Variants in UTP4 observed in about 807,000 individuals in gnomAD.
UTP4 encodes U3 small nucleolar RNA-associated protein 4 homolog.
UTP4 carries 45 observed loss-of-function variants against 82.4 expected under a neutral mutation model. The ratio of observed to expected loss-of-function variants is 0.55; its 90% CI spans 0.43 to 0.70. The LOEUF (loss-of-function observed/expected upper bound fraction) is 0.70, where lower values mean the gene tolerates loss of function less well. Among genes scored for constraint, UTP4 ranks in the 30% least tolerant of loss-of-function variants. The pLI is 0.00. For synonymous variants in UTP4, 348 were observed against 300.3 expected, an observed-to-expected ratio of 1.16 and a Z score of -1.64; for missense variants, 819 against 858.3, an observed-to-expected ratio of 0.95 and a Z score of 0.57.
At chr16:69,145,968 C>T (rs1464965205) in intron 6 of UTP4, among the ~76,000 whole-genome samples, 4 of 151,794 alleles carry the variant, frequency 2.6e-5, no homozygotes, top group Non-Finnish European at 2.9e-5. Context: ...GAAATAAGTC[C>T]GATTTTCTGT....
At chr16:69,148,639 G>T (rs1963183676) in intron 6 of UTP4, among the ~76,000 whole-genome samples, 3 of 149,518 alleles carry the variant, frequency 2.0e-5, no homozygotes, top group Non-Finnish European at 3.0e-5. Flanking sequence ...TTGAGACACG[G>T]TCTTGCTCTG....
At chr16:69,154,685 T>C (rs1349474151) in intron 10 of UTP4, among the ~76,000 whole-genome samples, 1 of 151,700 alleles carries the variant, frequency 6.6e-6, no homozygotes, top group African/African-American at 2.4e-5. Context: ...CTTTTGATAT[T>C]ATTATGAAAA....
chr16:69,139,776 G>C, intron 4 of UTP4, 49 bp from the exon 5 acceptor site: 2 of 1,230,576 alleles, frequency 1.6e-6, no homozygotes, highest in Non-Finnish European at 2.4e-6. Context: ...GTTACTCTTC[G>C]TATATTTATG....
At chr16:69,165,259 T>TAA in intron 14 of UTP4, 82 bp from the exon 15 acceptor site, 1 of 1,190,030 alleles carries the variant, frequency 8.4e-7, no homozygotes, top group South Asian at 1.2e-5. Context: ...TTTGTATAGA[T>TAA]ACTTTCTGGT....
chr16:69,165,291 G>C (rs377678737), intron 14 of UTP4, 50 bp from the exon 15 acceptor site: 10 of 1,523,824 alleles, frequency 6.6e-6, no homozygotes, highest in Non-Finnish European at 6.4e-6. Flanking sequence ...ATGCCCTTCT[G>C]GTCTTTCTGA....
At chr16:69,163,292 A>G in intron 14 of UTP4, 114 bp downstream of exon 14, 1 of 849,164 alleles carries the variant, frequency 1.2e-6, no homozygotes, top group Non-Finnish European at 2.0e-6. Context: ...GATATAAGGT[A>G]GTTTTCTCCT....
chr16:69,143,043 A>G, intron 5 of UTP4, 135 bp from the exon 6 acceptor site: 1 of 842,118 alleles, frequency 1.2e-6, no homozygotes, highest in Non-Finnish European at 2.0e-6. Flanking sequence ...TGTTTCGTAG[A>G]GATGAGGTCT....
rs575745236 is a variant in UTP4 at position 69,147,066 on chromosome 16, A to T, written c.739-3471A>T. Among the ~76,000 whole-genome samples, 4 of 149,622 alleles carry T rather than the reference A, an allele frequency of 2.7e-5. No homozygotes were observed. The East Asian group carries it at 7.8e-4, about 29-fold the overall frequency. ...GTGCTGCGTGCCTGTAATCCCAGCTACTTGGGAGGCTGAGGCGGGAGAATT... is the reference window on the plus strand; with the variant it reads ...GTGCTGCGTGCCTGTAATCCCAGCTTCTTGGGAGGCTGAGGCGGGAGAATT... On this transcript the variant is annotated intron_variant, in intron 6 of 16. Transcript: ENST00000314423.
At chr16:69,140,738 TC>T (rs1962937562) in intron 5 of UTP4, among the ~76,000 whole-genome samples, 1 of 152,112 alleles carries the variant, frequency 6.6e-6, no homozygotes, top group Non-Finnish European at 1.5e-5. Context: ...TCTCTCACTC[TC>T]CTCGAGGCAA....
chr16:69,167,517 G>A (rs935214163), intron 16 of UTP4: 8 of 315,216 alleles, frequency 2.5e-5, no homozygotes, highest in African/African-American at 1.5e-4. Context: ...TGTCAAGCAG[G>A]CTGGGCTTGG....
intron 4 of UTP4, among the ~76,000 whole-genome samples, chr16:69,139,262 C>T (rs765122842): frequency 6.6e-6 from 1 of 151,886 alleles, no homozygotes; most frequent in Non-Finnish European, 1.5e-5. Context: ...CAACTGCACC[C>T]GGCCTGGGTG....
At chr16:69,154,702 G>GC (rs1963362645) in intron 10 of UTP4, among the ~76,000 whole-genome samples, 1 of 139,310 alleles carries the variant, frequency 7.2e-6, no homozygotes, top group Non-Finnish European at 1.6e-5. Context: ...AAAATAATGT[G>GC]CTTTTATTTA....
At chr16:69,137,942 T>A in intron 4 of UTP4, 57 bp downstream of exon 4, 1 of 1,033,144 alleles carries the variant, frequency 9.7e-7, no homozygotes, top group Non-Finnish European at 1.5e-6. Context: ...TAAGTTTCTG[T>A]GCCACTGGGG....
chr16:69,161,951 C>G (rs1439745638), intron 13 of UTP4, among the ~76,000 whole-genome samples: 1 of 152,000 alleles, frequency 6.6e-6, no homozygotes, highest in Non-Finnish European at 1.5e-5. Flanking sequence ...GTGTGAGCCA[C>G]TGCGCCCAGC....
chr16:69,137,437 G>C (rs1206901140), intron 3 of UTP4, among the ~76,000 whole-genome samples: 1 of 152,182 alleles, frequency 6.6e-6, no homozygotes, highest in African/African-American at 2.4e-5. Context: ...CACGATATCT[G>C]AAGGTGTTTC....
intron 15 of UTP4, 152 bp from the exon 16 acceptor site, chr16:69,166,923 C>A: frequency 9.9e-5 from 63 of 637,976 alleles, no homozygotes. Flanking sequence ...ATTATGGCTA[C>A]AGCTGTTTTC....
chr16:69,167,283 C>A, intron 16 of UTP4, 98 bp downstream of exon 16: 1 of 810,538 alleles, frequency 1.2e-6, no homozygotes, highest in Non-Finnish European at 2.1e-6. Flanking sequence ...CCTTCAGTTT[C>A]CATGCAGAGA....
intron 1 of UTP4, 76 bp from the exon 2 acceptor site, chr16:69,133,382 T>C: frequency 1.4e-6 from 2 of 1,415,390 alleles, no homozygotes; most frequent in Non-Finnish European, 1.0e-6. Context: ...AGAACAGTGA[T>C]ATTAAGGAAC....
At chr16:69,162,780 T>C (rs1325360221) in intron 13 of UTP4, among the ~76,000 whole-genome samples, 1 of 149,428 alleles carries the variant, frequency 6.7e-6, no homozygotes, top group Non-Finnish European at 1.5e-5. Flanking sequence ...TCCCAGCTAC[T>C]TGGGAGGCTG....
Sources: gnomAD v4.1 joint callset for allele counts (sites outside exome capture counted in the v4.1 genomes callset) on GRCh38, gnomAD v4.1.1 for gene constraint, MANE v1.5 for transcripts, NCBI Gene and HGNC (gene_info 2026-07-23, HGNC 2026-07-21) for gene names.